The following DISP1 variants were observed in gnomAD, a reference collection of about 807,000 sequenced individuals.
DISP1 encodes protein dispatched homolog 1.
DISP1 carries 30 observed loss-of-function variants against 37.3 expected under a neutral mutation model. That is an observed-to-expected ratio of 0.80 (90% CI 0.60 to 1.09). The LOEUF (loss-of-function observed/expected upper bound fraction) is 1.09, where lower values mean the gene tolerates loss of function less well. Ranked by LOEUF, DISP1 falls within the 50% of genes least tolerant of loss-of-function variation. DISP1 has a pLI of 0.00. For missense variants in DISP1, 1,598 were observed against 1,879.5 expected, an observed-to-expected ratio of 0.85 and a Z score of 2.77; for synonymous variants, 634 against 690.2, an observed-to-expected ratio of 0.92 and a Z score of 1.28.
At chr1:222,903,974 G>T (rs1242012923) in intron 1 of DISP1, among the ~76,000 whole-genome samples, 1 of 152,176 alleles carries the variant, frequency 6.6e-6, no homozygotes, top group Non-Finnish European at 1.5e-5. Flanking sequence ...ATCTGCTTCA[G>T]TGTTTGCGTG....
chr1:222,940,802 G>A (rs1052745212), intron 2 of DISP1, among the ~76,000 whole-genome samples: 4 of 152,186 alleles, frequency 2.6e-5, no homozygotes, highest in Non-Finnish European at 4.4e-5. Context: ...TACAGGTGGA[G>A]GTTGGAGAAA....
chr1:222,954,661 T>C (rs1572613309), intron 3 of DISP1, among the ~76,000 whole-genome samples: 1 of 151,544 alleles, frequency 6.6e-6, no homozygotes, highest in Non-Finnish European at 1.5e-5. Flanking sequence ...AAGAGGGAGA[T>C]GGAATCATAG....
chr1:222,993,085 C>T (rs1558075326), intron 7 of DISP1, among the ~76,000 whole-genome samples: 1 of 151,880 alleles, frequency 6.6e-6, no homozygotes, highest in South Asian at 2.1e-4. Context: ...AGGCTGCTCT[C>T]GAACTCCCGA....
intron 1 of DISP1, among the ~76,000 whole-genome samples, chr1:222,919,796 G>T (rs1027672149): frequency 6.6e-6 from 1 of 152,082 alleles, no homozygotes; most frequent in Non-Finnish European, 1.5e-5. Context: ...TGTTTTCTAC[G>T]TTAGAGCTTG....
rs146832036 is a variant in DISP1 at position 222,860,380 on chromosome 1, G to A, written c.-159+45302G>A. On this transcript the variant is annotated intron_variant, in intron 1 of 8. Transcript: ENST00000675850. ...CATTTATTCTTTAAGTGATTCACTTGGGAATAATATTTAGATAGTCATCAT... is the reference window on the plus strand; with the variant it reads ...CATTTATTCTTTAAGTGATTCACTTAGGAATAATATTTAGATAGTCATCAT... 3.8e-3 allele frequency among the ~76,000 whole-genome samples: 576 copies of A among 152,184 alleles called. 10 individuals are homozygous for A. The highest frequency in any genetic ancestry group is 0.013 in the African/African-American group (529 of 41,530).
At chr1:222,949,056 CTG>C (rs1216568082) in intron 3 of DISP1, among the ~76,000 whole-genome samples, 16 of 152,024 alleles carry the variant, frequency 1.1e-4, no homozygotes, top group African/African-American at 3.4e-4. Flanking sequence ...TATCAACCAT[CTG>C]TGTGTTTTTT....
chr1:222,936,764 A>ATATATATTATATATCATATATAT (rs1166465893), intron 2 of DISP1, among the ~76,000 whole-genome samples: 1 of 50,836 alleles, frequency 2.0e-5, no homozygotes, highest in African/African-American at 7.4e-5. Flanking sequence ...ATGATATATA[A>ATATATATTATATATCATATATAT]AAATTATATA....
chr1:222,955,199 G>A (rs1221188923), intron 3 of DISP1, among the ~76,000 whole-genome samples: 4 of 151,386 alleles, frequency 2.6e-5, no homozygotes, highest in African/African-American at 9.7e-5. Flanking sequence ...TGATTCTCCT[G>A]CCTCAGCCTC....
At chr1:222,920,940 TAATA>T (rs1184803863) in intron 1 of DISP1, among the ~76,000 whole-genome samples, 2 of 152,198 alleles carry the variant, frequency 1.3e-5, no homozygotes, top group Non-Finnish European at 2.9e-5. Context: ...GCAAAGATCA[TAATA>T]AATAAAAACT....
intron 1 of DISP1, among the ~76,000 whole-genome samples, chr1:222,894,663 G>A (rs981037926): frequency 6.6e-6 from 1 of 152,186 alleles, no homozygotes; most frequent in African/African-American, 2.4e-5. Flanking sequence ...TGGCTGGGTG[G>A]CTGTAGCTGC....
intron 1 of DISP1, among the ~76,000 whole-genome samples, chr1:222,904,935 A>G (rs1017218928): frequency 2.0e-5 from 3 of 152,196 alleles, no homozygotes; most frequent in Non-Finnish European, 2.9e-5. Flanking sequence ...CAAAAACTGT[A>G]TTTGTTACCA....
chr1:222,995,002 A>G lies in DISP1; in HGVS notation c.987+20A>G, dbSNP rs1558076463. The G allele has an allele frequency of 6.4e-7, 1 of 1,561,388 alleles. No individual in the cohort carries two copies. Among genetic ancestry groups the G allele is most frequent in the Non-Finnish European group, 8.8e-7 (1 of 1,132,890 alleles). ...TCCAGGGTATGTAAGATAAAAACTA[A>G]AATCTCCTTAGCACAAATAAGGTTG... On this transcript the variant is annotated intron_variant, in intron 8 of 8. Transcript: ENST00000675850.
chr1:222,880,866 G>T (rs1670233398), intron 1 of DISP1, among the ~76,000 whole-genome samples: 6 of 152,030 alleles, frequency 3.9e-5, no homozygotes, highest in Admixed American at 3.9e-4. Flanking sequence ...TTCAAGACCA[G>T]CCTGGGCAAC....
chr1:222,941,251 G>A (rs1190200128), intron 2 of DISP1, among the ~76,000 whole-genome samples: 1 of 152,152 alleles, frequency 6.6e-6, no homozygotes, highest in Non-Finnish European at 1.5e-5. Flanking sequence ...TTCTTTGAAT[G>A]TTTTACAGTG....
At position 223,004,996 on chromosome 1, in the gene DISP1, A is replaced by G; in HGVS notation, c.3599A>G (p.His1200Arg). Residue 1200 changes from histidine (H) to arginine (R), a missense_variant, in exon 9 of 9, where the codon CAC becomes CGC. By Grantham distance (29) the His-to-Arg change is conservative. Coordinates refer to ENST00000675850, the MANE Select transcript of DISP1 (RefSeq NM_001377229.1). This position sits in a 1 kb window ranked among gnomAD's most constrained non-coding sequence, Gnocchi z 4.9. ...TATGAATTAGAACCTCTGGCTTCCCACAGCTGCACTGCCCCTGAGAAGACC... is the reference window on the plus strand; with the variant it reads ...TATGAATTAGAACCTCTGGCTTCCCGCAGCTGCACTGCCCCTGAGAAGACC... ...EFYELEPLAS[H>R]SCTAPEKTTY... 1 of 1,614,164 alleles carries G rather than the reference A, an allele frequency of 6.2e-7. No individual in the cohort carries two copies. Among genetic ancestry groups the G allele is most frequent in the Non-Finnish European group, 8.5e-7 (1 of 1,180,040 alleles).
At chr1:222,840,580 CT>C (rs1667541148) in intron 1 of DISP1, among the ~76,000 whole-genome samples, 1 of 139,776 alleles carries the variant, frequency 7.2e-6, no homozygotes, top group Non-Finnish European at 1.6e-5. Context: ...TTTTTTTTCC[CT>C]GAGACAGTTT....
rs375928938 is a variant in DISP1 at position 223,003,313 on chromosome 1, C to T, written c.1916C>T (p.Thr639Ile). The T allele has an allele frequency of 3.7e-6, 6 of 1,614,056 alleles. No homozygotes were observed. The highest frequency in any genetic ancestry group is 5.1e-6 in the Non-Finnish European group (6 of 1,180,046). Residue 639 changes from threonine (T) to isoleucine (I), a missense_variant, in exon 9 of 9, where the codon ACA becomes ATA. Thr to Ile is a moderately conservative substitution (Grantham distance 89). Coordinates refer to ENST00000675850, the MANE Select transcript of DISP1 (RefSeq NM_001377229.1). The surrounding 1 kb of genome is among the most constrained non-coding windows in gnomAD (Gnocchi z 4.3). ...CGATGCTTTGGGGTTTATGCGGGGA[C>T]AGCTATATTGGTGAATTACGTTTTG... ...AIRCFGVYAGTAILVNYVLMV... is the reference protein window; with the variant it reads ...AIRCFGVYAGIAILVNYVLMV...
chr1:222,946,217 C>CAA (rs11330653), intron 3 of DISP1, among the ~76,000 whole-genome samples: 2,952 of 127,918 alleles, frequency 0.023, 36 homozygotes, highest in Non-Finnish European at 0.025. Flanking sequence ...ACTAAAAATA[C>CAA]AAAAAAAAAA....
chr1:222,947,012 T>G (rs1674836746), intron 3 of DISP1, among the ~76,000 whole-genome samples: 1 of 152,234 alleles, frequency 6.6e-6, no homozygotes, highest in South Asian at 2.1e-4. Context: ...TTTTTTATTG[T>G]GGTGAAATAT....
Sources: allele counts gnomAD v4.1 joint callset (sites outside exome capture counted in the v4.1 genomes callset), GRCh38; gene constraint gnomAD v4.1.1; non-coding constraint Gnocchi (gnomAD v3.1); transcripts MANE v1.5; gene names NCBI Gene and HGNC (gene_info 2026-07-23, HGNC 2026-07-21).